BRD10: variants seen among roughly 807,000 people sequenced by gnomAD.
The protein encoded by BRD10 is bromodomain containing 10.
the BRD10 span, chr9:5,929,037 A>G: frequency 6.9e-7 from 1 of 1,449,662 alleles, no homozygotes; most frequent in South Asian, 1.2e-5. Context: ...TATAACATTA[A>G]AATTACCTGT....
the BRD10 span, among the ~76,000 whole-genome samples, chr9:5,905,185 A>G: frequency 6.6e-6 from 1 of 152,210 alleles, no homozygotes; most frequent in Non-Finnish European, 1.5e-5. Context: ...AGGCATTATG[A>G]GTATCTTAAA....
At chr9:5,977,004 T>C in the BRD10 span, among the ~76,000 whole-genome samples, 1 of 152,250 alleles carries the variant, frequency 6.6e-6, no homozygotes, top group Non-Finnish European at 1.5e-5. Context: ...AATATAAAGA[T>C]TGGTGATAAG....
the BRD10 span, among the ~76,000 whole-genome samples, chr9:5,888,551 T>C: frequency 1.3e-5 from 2 of 152,200 alleles, no homozygotes; most frequent in Non-Finnish European, 2.9e-5. Context: ...GCAGAGACAA[T>C]TTGCAACATC....
chr9:5,887,760 C>G, the BRD10 span, among the ~76,000 whole-genome samples: 1 of 152,216 alleles, frequency 6.6e-6, no homozygotes, highest in African/African-American at 2.4e-5. Flanking sequence ...TCTGGGAACT[C>G]AGTCTAAGTC....
chr9:6,007,891 C>G, the BRD10 span: 2 of 1,368,902 alleles, frequency 1.5e-6, no homozygotes, highest in South Asian at 3.4e-5. Flanking sequence ...GCGCGTAGCC[C>G]CCGCCACATC....
chr9:5,925,958 C>G, the BRD10 span, among the ~76,000 whole-genome samples: 1 of 152,128 alleles, frequency 6.6e-6, no homozygotes, highest in Non-Finnish European at 1.5e-5. Context: ...TGCTCTGTCA[C>G]CCAGATTGGA....
At chr9:5,888,434 G>C in the BRD10 span, among the ~76,000 whole-genome samples, 2 of 152,166 alleles carry the variant, frequency 1.3e-5, no homozygotes, top group Non-Finnish European at 2.9e-5. Flanking sequence ...TTTTGCTAAA[G>C]ACATCACTTG....
At chr9:5,990,557 T>C in the BRD10 span, among the ~76,000 whole-genome samples, 1 of 152,202 alleles carries the variant, frequency 6.6e-6, no homozygotes, top group African/African-American at 2.4e-5. Flanking sequence ...GTATAAACTT[T>C]CTAAATCAGT....
the BRD10 span, among the ~76,000 whole-genome samples, chr9:5,908,298 C>G: frequency 6.6e-6 from 1 of 152,142 alleles, no homozygotes; most frequent in African/African-American, 2.4e-5. Context: ...TTACAACGAT[C>G]TCTGTGGTAA....
the BRD10 span, chr9:5,922,847 G>A: frequency 6.2e-7 from 1 of 1,613,940 alleles, no homozygotes; most frequent in Non-Finnish European, 8.5e-7. Context: ...GGTCAATGCT[G>A]GCTTTATCGG....
At chr9:5,931,011 C>G in the BRD10 span, among the ~76,000 whole-genome samples, 1 of 152,128 alleles carries the variant, frequency 6.6e-6, no homozygotes, top group Non-Finnish European at 1.5e-5. Context: ...GTAAATCTTT[C>G]CTAAGTTAAA....
chr9:5,992,105 ACTCT>A, the BRD10 span, among the ~76,000 whole-genome samples: 3 of 152,204 alleles, frequency 2.0e-5, no homozygotes, highest in African/African-American at 7.2e-5. Context: ...ATACCCTATC[ACTCT>A]CTATTCTTAC....
chr9:5,989,641 C>G, the BRD10 span, among the ~76,000 whole-genome samples: 1 of 151,520 alleles, frequency 6.6e-6, no homozygotes, highest in African/African-American at 2.4e-5. Context: ...GTGATCCTCC[C>G]ACCTCAGCCT....
At chr9:5,985,332 G>A in the BRD10 span, among the ~76,000 whole-genome samples, 1 of 152,078 alleles carries the variant, frequency 6.6e-6, no homozygotes, top group Non-Finnish European at 1.5e-5. Flanking sequence ...CCTTGGGTAC[G>A]CTAAGATTCC....
chr9:5,951,935 C>T, the BRD10 span, among the ~76,000 whole-genome samples: 6 of 151,312 alleles, frequency 4.0e-5, no homozygotes, highest in Non-Finnish European at 8.9e-5. Context: ...TCTCTATCCT[C>T]TCTCTCTCTC....
At chr9:5,994,911 T>A in the BRD10 span, among the ~76,000 whole-genome samples, 1 of 151,162 alleles carries the variant, frequency 6.6e-6, no homozygotes, top group Admixed American at 6.6e-5. Flanking sequence ...CTTTTTTTTT[T>A]TTTTTGAGAC....
chr9:5,922,160 G>C, the BRD10 span: 1 of 1,613,884 alleles, frequency 6.2e-7, no homozygotes. Context: ...AACAAGAATT[G>C]ACTGTGAATC....
chr9:5,977,651 C>A, the BRD10 span, among the ~76,000 whole-genome samples: 1 of 151,940 alleles, frequency 6.6e-6, no homozygotes, highest in Non-Finnish European at 1.5e-5. Flanking sequence ...ATCGAGACCA[C>A]GGTGAAATCC....
chr9:6,006,719 A>G, the BRD10 span, among the ~76,000 whole-genome samples: 1 of 152,238 alleles, frequency 6.6e-6, no homozygotes, highest in African/African-American at 2.4e-5. Context: ...TAAATCTTCG[A>G]TGACCGACAT....
Sources: allele counts gnomAD v4.1 joint callset (sites outside exome capture counted in the v4.1 genomes callset), GRCh38; gene constraint gnomAD v4.1.1; transcripts MANE v1.5; gene names NCBI Gene and HGNC (gene_info 2026-07-23, HGNC 2026-07-21).